SETD7: variants seen among roughly 807,000 people sequenced by gnomAD.
SETD7 encodes SET domain containing 7, histone lysine methyltransferase, also known as histone-lysine N-methyltransferase SETD7.
SETD7 carries 16 observed loss-of-function variants against 41.8 expected under a neutral mutation model. That is an observed-to-expected ratio of 0.38 (90% confidence interval 0.26 to 0.58). The LOEUF is 0.58. Among genes scored for constraint, SETD7 ranks in the 20% least tolerant of loss-of-function variants. The probability of loss-of-function intolerance (pLI) is 0.64; values close to 1 mark genes in which losing one functional copy is unlikely to be tolerated. For synonymous variants in SETD7, 163 were observed against 169.7 expected (o/e 0.96, Z 0.31); for missense variants, 346 against 459.7 (o/e 0.75, Z 2.26).
chr4:139,525,582 T>C (rs1171093082), intron 4 of SETD7, among the ~76,000 whole-genome samples: 1 of 152,148 alleles, frequency 6.6e-6, no homozygotes, highest in Non-Finnish European at 1.5e-5. Context: ...AGCAGTGGCA[T>C]AGGTGAGAAA....
chr4:139,518,905 C>T (rs1727104728), intron 6 of SETD7, among the ~76,000 whole-genome samples: 1 of 152,214 alleles, frequency 6.6e-6, no homozygotes. Flanking sequence ...GACAGCAGCC[C>T]AGCCTTTTGA....
chr4:139,529,411 A>G (rs1727420225), intron 3 of SETD7, among the ~76,000 whole-genome samples, 191 bp from the exon 4 acceptor site: 1 of 152,178 alleles, frequency 6.6e-6, no homozygotes, highest in South Asian at 2.1e-4. Flanking sequence ...CTCCATACAA[A>G]TATACTGCTA....
At chr4:139,528,597 C>T (rs1222301195) in intron 4 of SETD7, among the ~76,000 whole-genome samples, 3 of 152,126 alleles carry the variant, frequency 2.0e-5, no homozygotes, top group Non-Finnish European at 4.4e-5. Flanking sequence ...TTGCTTTGAC[C>T]AGTGAAAAGT....
intron 3 of SETD7, 165 bp downstream of exon 3, chr4:139,533,000 T>C: frequency 1.6e-6 from 1 of 634,976 alleles, no homozygotes; most frequent in Non-Finnish European, 2.8e-6. Flanking sequence ...TCTAAGCCAA[T>C]AGTGAGTAAC....
At chr4:139,551,076 G>A (rs1284360286) in intron 1 of SETD7, among the ~76,000 whole-genome samples, 1 of 152,238 alleles carries the variant, frequency 6.6e-6, no homozygotes, top group Non-Finnish European at 1.5e-5. Flanking sequence ...AGTGGAAGAA[G>A]GCTTTGTGGT....
At chr4:139,513,342 C>T (rs1279960831) in intron 7 of SETD7, among the ~76,000 whole-genome samples, 1 of 151,622 alleles carries the variant, frequency 6.6e-6, no homozygotes. Context: ...ATCGCTTGGA[C>T]CCAAGAGGTG....
intron 2 of SETD7, among the ~76,000 whole-genome samples, chr4:139,541,620 C>A (rs1290595246): frequency 6.6e-6 from 1 of 152,146 alleles, no homozygotes; most frequent in Non-Finnish European, 1.5e-5. Flanking sequence ...GGAATGGACA[C>A]AATATCTACT....
At chr4:139,529,274 TGA>T in intron 3 of SETD7, 54 bp from the exon 4 acceptor site, 2 of 1,453,890 alleles carry the variant, frequency 1.4e-6, no homozygotes, top group Non-Finnish European at 1.9e-6. Context: ...GTCTAGGACA[TGA>T]GTCCCAAGAA....
chr4:139,535,185 T>G (rs1466519226), intron 2 of SETD7, among the ~76,000 whole-genome samples: 1 of 151,410 alleles, frequency 6.6e-6, no homozygotes, highest in Non-Finnish European at 1.5e-5. Context: ...TGATGTAATT[T>G]ATGTAGTGCA....
chr4:139,496,101 C>A (rs906779879), exon 8 of SETD7: 9 of 333,232 alleles, frequency 2.7e-5, no homozygotes, highest in African/African-American at 1.7e-4. Flanking sequence ...CCCATATTAG[C>A]CTGAAGAAAA....
At chr4:139,494,868 A>G (rs114429777), downstream of SETD7, among the ~76,000 whole-genome samples, 3,028 of 152,364 alleles carry the variant, frequency 0.02, 103 homozygotes, top group African/African-American at 0.067. Flanking sequence ...ATTTACTACA[A>G]TATTATCTTA....
In SETD7 at chr4:139,507,683, A is replaced by G. The variant is rs1726745156; in HGVS notation, c.*3980T>C. The stretch of plus-strand genomic sequence containing the variant: ...CATTGCTTTGAATATGTACGCACAC[A>G]TTTGGCAAAAGAAAACTATTACAAT... On this transcript the variant is annotated 3_prime_UTR_variant, in exon 8 of 8. Transcript: ENST00000274031. 6.6e-6 allele frequency: 1 copy of G among 152,660 alleles called. No individual in the cohort carries two copies. Among genetic ancestry groups the G allele is most frequent in the Non-Finnish European group, 1.5e-5 (1 of 68,044 alleles). The allele number at this position is 152,660 out of a possible 1,614,324, so 9.5% of individuals were successfully genotyped here.
At chr4:139,500,272 T>C (rs1335925714) in intron 7 of SETD7, among the ~76,000 whole-genome samples, 1 of 152,136 alleles carries the variant, frequency 6.6e-6, no homozygotes, top group East Asian at 1.9e-4. Flanking sequence ...CTCCTCACCA[T>C]GGCCCCTCTG....
At chr4:139,543,694 C>A (rs1007276305) in intron 2 of SETD7, among the ~76,000 whole-genome samples, 1 of 151,498 alleles carries the variant, frequency 6.6e-6, no homozygotes, top group African/African-American at 2.4e-5. Context: ...GGCTCACACC[C>A]GTAATCCCAG....
rs1389598727 is a variant in SETD7 at position 139,520,261 on chromosome 4, T to C, written c.762+16A>G. 4 of 1,376,342 alleles carry C rather than the reference T, an allele frequency of 2.9e-6. No homozygotes were observed. Among genetic ancestry groups the C allele is most frequent in the African/African-American group, 1.5e-5 (1 of 68,526 alleles). The allele number at this position is 1,376,342 out of a possible 1,614,324, so 85.3% of individuals were successfully genotyped here. A position where few individuals can be genotyped will look rare whatever the true frequency, so the allele number is the denominator to read the frequency against. ...TTAACCAACAAAGTTGATTTTCCAC[T>C]GTCAGCCCCACTCACCTCTTGGTGT... is the stretch of plus-strand genomic sequence containing the variant. On this transcript the variant is annotated intron_variant, in intron 6 of 7. Transcript: ENST00000274031.
chr4:139,554,940 T>C (rs918423047), intron 1 of SETD7, among the ~76,000 whole-genome samples: 4 of 152,170 alleles, frequency 2.6e-5, no homozygotes, highest in African/African-American at 7.2e-5. Flanking sequence ...CTTGTGTTTA[T>C]ACAAATCAGA....
At chr4:139,524,244 T>C (rs1337589831) in intron 4 of SETD7, among the ~76,000 whole-genome samples, 1 of 152,218 alleles carries the variant, frequency 6.6e-6, no homozygotes, top group Admixed American at 6.5e-5. Flanking sequence ...GCTTTTTTTG[T>C]ACAACCAAAA....
intron 2 of SETD7, among the ~76,000 whole-genome samples, chr4:139,535,227 T>C (rs1727605442): frequency 6.6e-6 from 1 of 152,226 alleles, no homozygotes; most frequent in Non-Finnish European, 1.5e-5. Flanking sequence ...ATTTTTAGGA[T>C]TGCCAGGTAT....
chr4:139,548,624 C>T (rs573320781), intron 1 of SETD7, among the ~76,000 whole-genome samples: 1 of 152,318 alleles, frequency 6.6e-6, no homozygotes, highest in South Asian at 2.1e-4. Flanking sequence ...AAGAATGAAA[C>T]TCCATCTCAA....
Sources: gnomAD v4.1 joint callset for allele counts (sites outside exome capture counted in the v4.1 genomes callset) on GRCh38, gnomAD v4.1.1 for gene constraint, MANE v1.5 for transcripts, NCBI Gene and HGNC (gene_info 2026-07-23, HGNC 2026-07-21) for gene names.